Variants in MAGEA11 observed in about 807,000 individuals in gnomAD.
MAGEA11 encodes the protein melanoma-associated antigen 11.
MAGEA11 carries 1 observed loss-of-function variant against 8.4 expected under a neutral mutation model. That is an observed-to-expected ratio of 0.12 (90% CI 0.04 to 0.57). The LOEUF is 0.57. Among genes scored for constraint, MAGEA11 ranks in the 20% least tolerant of loss-of-function variants. The pLI, the probability that MAGEA11 is intolerant of heterozygous loss-of-function variation, is 0.91. For synonymous variants in MAGEA11, 127 were observed against 119.3 expected (o/e 1.06, Z -0.42); for missense variants, 209 against 317.3 (o/e 0.66, Z 2.59).
At chrX:149,710,563 C>T (rs940162223), upstream of MAGEA11, among the ~76,000 whole-genome samples, 30 of 111,541 alleles carry the variant, frequency 2.7e-4, no homozygotes, top group Admixed American at 8.5e-4. Flanking sequence ...ATCCTCCCAC[C>T]TTAGCCTCCC....
chrX:149,716,910 T>C lies in MAGEA11; in HGVS notation c.*134T>C. 2 of 585,534 alleles carry C rather than the reference T, an allele frequency of 3.4e-6. No homozygotes were observed. Among genetic ancestry groups the C allele is most frequent in the South Asian group, 7.2e-5 (2 of 27,854 alleles). 48.3% of individuals were successfully genotyped at this position (585,534 alleles called of 1,213,427 possible). A position where few individuals can be genotyped will look rare whatever the true frequency, so the allele number is the denominator to read the frequency against. On this transcript the variant is annotated 3_prime_UTR_variant, in exon 5 of 5. Coordinates refer to ENST00000355220, the MANE Select transcript of MAGEA11 (RefSeq NM_005366.5). ...CTGTGTTTGATGAGAGAAGTCAGTG[T>C]TCTCAGTAGTAGAAGGCACAGTGAA...
intron 1 of MAGEA11, among the ~76,000 whole-genome samples, chrX:149,698,307 T>G (rs2090338245): frequency 9.0e-6 from 1 of 111,453 alleles, no homozygotes; most frequent in African/African-American, 3.3e-5. Flanking sequence ...ATGTCCTATA[T>G]CAAGTTGAAT....
chrX:149,701,881 A>G (rs1395529806), intron 1 of MAGEA11, among the ~76,000 whole-genome samples: 1 of 111,542 alleles, frequency 9.0e-6, no homozygotes, highest in African/African-American at 3.3e-5. Context: ...AGTTGTAGAT[A>G]TGCGGCGTTA....
chrX:149,714,711 G>A, intron 3 of MAGEA11, 135 bp downstream of exon 3: 2 of 1,026,735 alleles, frequency 1.9e-6, no homozygotes, highest in Non-Finnish European at 2.6e-6. Flanking sequence ...TCTTATACTG[G>A]GATCATTGGT....
upstream of MAGEA11, among the ~76,000 whole-genome samples, chrX:149,711,024 C>G: frequency 9.0e-6 from 1 of 110,999 alleles, no homozygotes; most frequent in Non-Finnish European, 1.9e-5. Context: ...CTGTGGAAAA[C>G]TCGGGTAGGG....
intron 1 of MAGEA11, among the ~76,000 whole-genome samples, chrX:149,691,850 G>A (rs1557360159): frequency 3.5e-5 from 4 of 112,722 alleles, no homozygotes; most frequent in African/African-American, 1.3e-4. Context: ...GGAAATTTTA[G>A]GGCTCACTTT....
chrX:149,692,492 G>T (rs781840744), intron 1 of MAGEA11, among the ~76,000 whole-genome samples: 2 of 111,207 alleles, frequency 1.8e-5, no homozygotes, highest in African/African-American at 6.5e-5. Flanking sequence ...CCCTGTTAGA[G>T]GTTAGCTGGC....
intron 1 of MAGEA11, among the ~76,000 whole-genome samples, chrX:149,700,284 CA>C (rs1557360884): frequency 8.9e-6 from 1 of 112,237 alleles, no homozygotes; most frequent in Non-Finnish European, 1.9e-5. Flanking sequence ...CTGGAAGTGG[CA>C]AAATAGGGTC....
Position 149,694,940 on chromosome X carries a change from C to T in MAGEA11, c.9+5956C>T, listed in dbSNP as rs782640668. Among the ~76,000 whole-genome samples, 13 of 111,149 alleles carry T rather than the reference C, an allele frequency of 1.2e-4. No individual in the cohort carries two copies. The South Asian group carries it at 4.2e-3, about 36-fold the overall frequency. On this transcript the variant is annotated intron_variant, in intron 1 of 3. Coordinates refer to the MAGEA11 transcript ENST00000333104. ...TTCACCATGTTAACCAGGCTGGTCT[C>T]GAACTCCTGACCTCAGGTGATCTGC...
chrX:149,696,012 G>A (rs2090329086), intron 1 of MAGEA11, among the ~76,000 whole-genome samples: 1 of 110,799 alleles, frequency 9.0e-6, no homozygotes. Flanking sequence ...TTAGCACATG[G>A]GGACATGCAC....
At chrX:149,688,976 A>G (rs1602915796) in exon 1 of MAGEA11, 2 of 1,027,731 alleles carry the variant, frequency 1.9e-6, no homozygotes, top group Non-Finnish European at 2.6e-6. Context: ...AGGAATACCA[A>G]TGAGCAAGGT....
At chrX:149,696,723 T>A (rs1002840228) in intron 1 of MAGEA11, among the ~76,000 whole-genome samples, 4 of 111,126 alleles carry the variant, frequency 3.6e-5, no homozygotes, top group Non-Finnish European at 5.7e-5. Flanking sequence ...ATCTGACTGA[T>A]CCCCGCAGAA....
At chrX:149,691,906 T>A (rs1478883808) in intron 1 of MAGEA11, among the ~76,000 whole-genome samples, 1 of 112,682 alleles carries the variant, frequency 8.9e-6, no homozygotes, top group Admixed American at 9.4e-5. Context: ...TGTTTCAATA[T>A]GTACAGTAAA....
In MAGEA11 at chrX:149,715,688, C is replaced by T. The variant is rs2233048; in HGVS notation, c.266+11C>T. 0.41 allele frequency: 488,778 copies of T among 1,199,191 alleles called. 76,630 individuals are homozygous for T. The highest frequency in any genetic ancestry group is 0.47 in the Non-Finnish European group (419,180 of 886,910). On this transcript the variant is annotated intron_variant, in intron 4 of 4. Coordinates refer to ENST00000355220, the MANE Select transcript of MAGEA11 (RefSeq NM_005366.5). ...TGGAGGAGAACAAGTGTAAGTAGGC[C>T]TTTGTTAGATTCTCCATGGTTCATA...
chrX:149,707,191 G>C (rs950689327), upstream of MAGEA11, among the ~76,000 whole-genome samples: 1 of 112,297 alleles, frequency 8.9e-6, no homozygotes, highest in Non-Finnish European at 1.9e-5. Context: ...CCAAATACTA[G>C]GACCATAGAA....
chrX:149,688,484 C>T (rs2090295737), upstream of MAGEA11, among the ~76,000 whole-genome samples: 1 of 111,692 alleles, frequency 9.0e-6, no homozygotes, highest in Admixed American at 9.5e-5. Context: ...AGAAGACTGT[C>T]TTCCACCTTT....
At chrX:149,699,668 T>TAA (rs2090343693) in intron 1 of MAGEA11, among the ~76,000 whole-genome samples, 1 of 111,903 alleles carries the variant, frequency 8.9e-6, no homozygotes. Flanking sequence ...GCAGCCCATC[T>TAA]AAACTCTTCC....
At chrX:149,697,050 C>A (rs2090332785) in intron 1 of MAGEA11, among the ~76,000 whole-genome samples, 1 of 111,302 alleles carries the variant, frequency 9.0e-6, no homozygotes, top group Non-Finnish European at 1.9e-5. Context: ...ACCAAGACTG[C>A]AGATAGAACA....
intron 3 of MAGEA11, 103 bp from the exon 4 acceptor site, chrX:149,715,501 A>G (rs1054867956): frequency 1.7e-5 from 9 of 542,459 alleles, no homozygotes; most frequent in Non-Finnish European, 2.2e-5. Flanking sequence ...CAGTACAGAA[A>G]GGGACCCCCA....
Sources: gnomAD v4.1 joint callset for allele counts (sites outside exome capture counted in the v4.1 genomes callset) on GRCh38, gnomAD v4.1.1 for gene constraint, MANE v1.5 for transcripts, NCBI Gene and HGNC (gene_info 2026-07-23, HGNC 2026-07-21) for gene names.